EIPR1: variants seen among roughly 807,000 people sequenced by gnomAD.
EIPR1 encodes EARP complex and GARP complex interacting protein 1.
In EIPR1, 25 loss-of-function variants were observed where a neutral mutation model predicts 48.1. That is an observed-to-expected ratio of 0.52 (90% CI 0.38 to 0.73). EIPR1 has a LOEUF of 0.73. EIPR1 is among the 30% of genes least tolerant of loss of function. The pLI, the probability that EIPR1 is intolerant of heterozygous loss-of-function variation, is 0.00. For missense variants in EIPR1, 415 were observed against 506.2 expected (o/e 0.82, Z 1.73); for synonymous variants, 204 against 201.9 (o/e 1.01, Z -0.09).
intron 4 of EIPR1, among the ~76,000 whole-genome samples, chr2:3,226,509 AT>A (rs2103158447): frequency 6.6e-6 from 1 of 152,266 alleles, no homozygotes; most frequent in African/African-American, 2.4e-5. Context: ...TTCCTTATGT[AT>A]TTTGGATATT....
chr2:3,259,848 G>T (rs2694072), intron 3 of EIPR1, among the ~76,000 whole-genome samples: 144,845 of 152,368 alleles, frequency 0.95, 69,253 homozygotes, highest in East Asian at 1. Flanking sequence ...TTCAATAAAT[G>T]ATGCTGGATC....
chr2:3,295,532 C>CT (rs1558280421), intron 3 of EIPR1, among the ~76,000 whole-genome samples: 2 of 81,092 alleles, frequency 2.5e-5, no homozygotes, highest in Admixed American at 1.2e-4. Flanking sequence ...CATCGTCTCT[C>CT]CACACACACC....
At chr2:3,236,995 A>T (rs532807247) in intron 4 of EIPR1, among the ~76,000 whole-genome samples, 1 of 152,108 alleles carries the variant, frequency 6.6e-6, no homozygotes, top group Non-Finnish European at 1.5e-5. Context: ...ACACACGAGA[A>T]AAACAAAGCC....
intron 4 of EIPR1, among the ~76,000 whole-genome samples, chr2:3,252,930 A>G (rs989811225): frequency 3.3e-5 from 5 of 152,210 alleles, no homozygotes; most frequent in Admixed American, 3.3e-4. Context: ...ATCTGAACGG[A>G]CTTTCTCCCT....
intron 3 of EIPR1, among the ~76,000 whole-genome samples, chr2:3,304,506 G>A (rs1257058316): frequency 2.7e-4 from 4 of 14,898 alleles, no homozygotes; most frequent in Non-Finnish European, 4.9e-4. Context: ...CATCAGTTCA[G>A]CCCTCCACTC....
At chr2:3,274,558 A>C (rs1667792341) in intron 3 of EIPR1, 1 of 1,235,000 alleles carries the variant, frequency 8.1e-7, no homozygotes, top group Non-Finnish European at 1.1e-6. Flanking sequence ...TACCTCCAAA[A>C]GCCTCACTAA....
At chr2:3,284,851 C>T (rs972104959) in intron 3 of EIPR1, among the ~76,000 whole-genome samples, 21 of 151,856 alleles carry the variant, frequency 1.4e-4, no homozygotes, top group African/African-American at 4.8e-4. Flanking sequence ...AAGGTGGCTG[C>T]GAGAGGACAG....
chr2:3,372,782 G>A (rs1420895764), intron 1 of EIPR1, among the ~76,000 whole-genome samples: 1 of 152,300 alleles, frequency 6.6e-6, no homozygotes, highest in East Asian at 1.9e-4. Context: ...TGGATTCACA[G>A]CCGAATTCTA....
intron 3 of EIPR1, among the ~76,000 whole-genome samples, chr2:3,288,684 G>A (rs546238956): frequency 5.3e-5 from 8 of 152,330 alleles, no homozygotes; most frequent in African/African-American, 1.9e-4. Context: ...TGAAGATCCC[G>A]AGACAAGCCC....
intron 4 of EIPR1, among the ~76,000 whole-genome samples, chr2:3,228,948 G>C (rs921990812): frequency 6.6e-6 from 1 of 152,142 alleles, no homozygotes; most frequent in Admixed American, 6.5e-5. Context: ...CTAGTCTCAG[G>C]TATGTCTTTA....
intron 2 of EIPR1, among the ~76,000 whole-genome samples, chr2:3,342,933 C>A (rs73910510): frequency 2.0e-5 from 3 of 152,144 alleles, no homozygotes; most frequent in African/African-American, 7.2e-5. Context: ...CCATCAACCA[C>A]CATGAGCAAA....
intron 2 of EIPR1, among the ~76,000 whole-genome samples, chr2:3,343,407 T>C (rs186741501): frequency 9.2e-5 from 14 of 152,262 alleles, no homozygotes; most frequent in African/African-American, 2.9e-4. Context: ...GTGCAAAAGA[T>C]TACCAGGGCC....
chr2:3,294,478 T>A (rs1572405756), intron 3 of EIPR1, among the ~76,000 whole-genome samples: 2 of 91,152 alleles, frequency 2.2e-5, no homozygotes, highest in African/African-American at 9.0e-5. Context: ...ATCCAGCCCA[T>A]CCTCCCTACA....
chr2:3,306,901 T>A (rs1668962507), intron 3 of EIPR1, among the ~76,000 whole-genome samples: 1 of 152,196 alleles, frequency 6.6e-6, no homozygotes, highest in African/African-American at 2.4e-5. Flanking sequence ...GAACTCCTTT[T>A]CCTATATTTG....
At chr2:3,280,882 C>T (rs1022003370) in intron 3 of EIPR1, among the ~76,000 whole-genome samples, 13 of 152,004 alleles carry the variant, frequency 8.6e-5, no homozygotes, top group Admixed American at 2.6e-4. Flanking sequence ...CAGTGCCACC[C>T]GCGCCTCCTC....
At chr2:3,276,775 G>A (rs1169874353) in intron 3 of EIPR1, among the ~76,000 whole-genome samples, 1 of 152,238 alleles carries the variant, frequency 6.6e-6, no homozygotes, top group Non-Finnish European at 1.5e-5. Context: ...GATGTGCACT[G>A]GGTTCACAGT....
chr2:3,355,959 A>G (rs562466296), intron 1 of EIPR1, among the ~76,000 whole-genome samples: 1 of 152,370 alleles, frequency 6.6e-6, no homozygotes, highest in South Asian at 2.1e-4. Flanking sequence ...GTCCCTGGGA[A>G]GCAAGCTCTA....
chr2:3,198,809 G>C (rs1051268738), intron 5 of EIPR1, among the ~76,000 whole-genome samples: 4 of 152,132 alleles, frequency 2.6e-5, no homozygotes, highest in Non-Finnish European at 5.9e-5. Flanking sequence ...CAAGGCAGAA[G>C]GTCAGGGTGA....
chr2:3,237,352 G>A (rs1423354120), intron 4 of EIPR1, among the ~76,000 whole-genome samples: 1 of 151,400 alleles, frequency 6.6e-6, no homozygotes, highest in Non-Finnish European at 1.5e-5. Flanking sequence ...TCTAAAAATA[G>A]GTGAGTACAA....
Sources: gnomAD v4.1 joint callset for allele counts (sites outside exome capture counted in the v4.1 genomes callset) on GRCh38, gnomAD v4.1.1 for gene constraint, MANE v1.5 for transcripts, NCBI Gene and HGNC (gene_info 2026-07-23, HGNC 2026-07-21) for gene names.